Variants in MNAT1 observed in about 807,000 individuals in gnomAD.
MNAT1 encodes MNAT1 component of CDK activating kinase.
A neutral mutation model predicts 42.0 loss-of-function variants in MNAT1; 43 were observed. The observed-to-expected ratio is 1.02, with a 90% CI of 0.80 to 1.32. MNAT1 has a LOEUF of 1.32. Ranked by LOEUF, MNAT1 falls within the 40% of genes most tolerant of loss-of-function variation. The probability of loss-of-function intolerance (pLI) is 0.00; values close to 1 mark genes in which losing one functional copy is unlikely to be tolerated. For synonymous variants in MNAT1, 118 were observed against 120.0 expected, an observed-to-expected ratio of 0.98 and a Z score of 0.11; for missense variants, 306 against 350.4, an observed-to-expected ratio of 0.87 and a Z score of 1.01.
At chr14:60,739,582 T>C (rs1470968710) in intron 1 of MNAT1, among the ~76,000 whole-genome samples, 2 of 152,190 alleles carry the variant, frequency 1.3e-5, no homozygotes, top group African/African-American at 4.8e-5. Context: ...CTTTGTCTCT[T>C]AGCTGCTAGC....
intron 7 of MNAT1, among the ~76,000 whole-genome samples, chr14:60,894,833 A>C (rs1566541119): frequency 6.6e-6 from 1 of 152,186 alleles, no homozygotes; most frequent in Non-Finnish European, 1.5e-5. Context: ...ACAACAGTTA[A>C]AAAGGCAAAT....
rs137902526 is a variant in MNAT1 at position 60,859,452 on chromosome 14, C to A, written c.688-20262C>A. Among the ~76,000 whole-genome samples the A allele has an allele frequency of 1.5e-3, 226 of 152,210 alleles. 1 individual carries two copies. The highest frequency in any genetic ancestry group is 5.3e-3 in the African/African-American group (222 of 41,516). On this transcript the variant is annotated intron_variant, in intron 6 of 7. Transcript: ENST00000261245. ...TTCCTCATGCTACTCTAATTTGAGT[C>A]ATTGTGAAAGATGTTAGTGACTTTT...
intron 6 of MNAT1, among the ~76,000 whole-genome samples, chr14:60,864,031 T>C (rs2034153602): frequency 1.3e-5 from 2 of 152,022 alleles, no homozygotes; most frequent in Admixed American, 6.6e-5. Flanking sequence ...GAAAATATTA[T>C]TTTTGCTTGT....
At chr14:60,755,878 A>G (rs1283977188) in intron 1 of MNAT1, among the ~76,000 whole-genome samples, 5 of 152,206 alleles carry the variant, frequency 3.3e-5, no homozygotes, top group African/African-American at 1.2e-4. Flanking sequence ...GCAGAGTGAC[A>G]TCTCTCATTT....
At chr14:60,914,775 G>C (rs757678783) in intron 7 of MNAT1, among the ~76,000 whole-genome samples, 6 of 152,184 alleles carry the variant, frequency 3.9e-5, no homozygotes, top group Non-Finnish European at 5.9e-5. Context: ...AACTTAAGTA[G>C]TGGTCAAGAT....
intron 7 of MNAT1, among the ~76,000 whole-genome samples, chr14:60,967,606 G>A (rs879907132): frequency 2.0e-5 from 3 of 152,062 alleles, no homozygotes; most frequent in Admixed American, 1.3e-4. Context: ...ATATTGTTGA[G>A]ATCAATGAGA....
At chr14:60,828,971 C>T (rs1286971191) in intron 6 of MNAT1, among the ~76,000 whole-genome samples, 2 of 152,136 alleles carry the variant, frequency 1.3e-5, no homozygotes, top group Non-Finnish European at 2.9e-5. Flanking sequence ...CCTAGCACCT[C>T]CATGTGTTCA....
At chr14:60,854,803 C>G (rs1290590589) in intron 6 of MNAT1, among the ~76,000 whole-genome samples, 1 of 152,200 alleles carries the variant, frequency 6.6e-6, no homozygotes, top group Non-Finnish European at 1.5e-5. Context: ...AGCAGGCAGT[C>G]TGTCCCTTAG....
chr14:60,784,179 A>ATTT lies in MNAT1; in HGVS notation c.90-12016_90-12014dup, dbSNP rs71114155. Among the ~76,000 whole-genome samples, 23 of 53,286 alleles carry ATTT rather than the reference A, an allele frequency of 4.3e-4. 3 individuals are homozygous for ATTT. Among genetic ancestry groups the ATTT allele is most frequent in the African/African-American group, 1.5e-3 (19 of 13,100 alleles). The allele number at this position is 53,286 out of a possible 152,430, so 35.0% of individuals were successfully genotyped here. A position where few individuals can be genotyped will look rare whatever the true frequency, so the allele number is the denominator to read the frequency against. On this transcript the variant is annotated intron_variant, in intron 1 of 7. Coordinates refer to ENST00000261245, the MANE Select transcript of MNAT1 (RefSeq NM_002431.4). The stretch of plus-strand genomic sequence containing the variant: ...AGATACGTGCCACCATGCCTGGCTA[A>ATTT]TTTTTTTTTTTTTTTTTTTTTTTTA...
At chr14:60,735,108 C>A (rs1275240382) in intron 1 of MNAT1, among the ~76,000 whole-genome samples, 157 bp downstream of exon 1, 3 of 152,122 alleles carry the variant, frequency 2.0e-5, no homozygotes, top group Admixed American at 2.0e-4. Flanking sequence ...TTTAAATAGA[C>A]TGTAGCCGCT....
At chr14:60,903,621 T>A (rs2139510158) in intron 7 of MNAT1, among the ~76,000 whole-genome samples, 1 of 152,340 alleles carries the variant, frequency 6.6e-6, no homozygotes, top group East Asian at 1.9e-4. Context: ...ATTTGTATAA[T>A]CTGCTTTCAC....
chr14:60,757,069 A>G (rs190102050), intron 1 of MNAT1, among the ~76,000 whole-genome samples: 2 of 152,282 alleles, frequency 1.3e-5, no homozygotes, highest in Non-Finnish European at 2.9e-5. Flanking sequence ...AGGCTATTTG[A>G]CTTGTTAGTT....
rs574070542 is a variant in MNAT1 at position 60,894,288 on chromosome 14, T to A, written c.809+14453T>A. On this transcript the variant is annotated intron_variant, in intron 7 of 7. Transcript: ENST00000261245. ...GTGGAGGCTTGGATGTTTTTTTTTT[T>A]TAAAATAATTTATTTCCTCTTGCAT... is the stretch of plus-strand genomic sequence containing the variant. Among the ~76,000 whole-genome samples the A allele has an allele frequency of 5.3e-5, 8 of 152,030 alleles. No individual in the cohort carries two copies. In the East Asian group the frequency reaches 1.2e-3, roughly 22 times the overall value.
At chr14:60,789,525 A>G (rs2031752925) in intron 1 of MNAT1, among the ~76,000 whole-genome samples, 1 of 152,198 alleles carries the variant, frequency 6.6e-6, no homozygotes, top group South Asian at 2.1e-4. Context: ...CAATAAGGCA[A>G]TTCGCAATAA....
chr14:60,886,844 A>G (rs1000945321), intron 7 of MNAT1, among the ~76,000 whole-genome samples: 18 of 152,092 alleles, frequency 1.2e-4, no homozygotes, highest in Admixed American at 7.9e-4. Flanking sequence ...TTGATTTCCT[A>G]TTTGGATGTA....
chr14:60,896,975 A>G (rs2034971795), intron 7 of MNAT1, among the ~76,000 whole-genome samples: 1 of 152,214 alleles, frequency 6.6e-6, no homozygotes, highest in South Asian at 2.1e-4. Flanking sequence ...CTACTCTTAA[A>G]ATTCCCAAGA....
At chr14:60,743,412 T>C (rs1363340702) in intron 1 of MNAT1, among the ~76,000 whole-genome samples, 3 of 151,946 alleles carry the variant, frequency 2.0e-5, no homozygotes, top group Non-Finnish European at 4.4e-5. Context: ...CCTCAGCCTC[T>C]TGAGTAACTG....
chr14:60,815,529 T>C (rs190258693), intron 5 of MNAT1, among the ~76,000 whole-genome samples: 1 of 152,194 alleles, frequency 6.6e-6, no homozygotes, highest in African/African-American at 2.4e-5. Flanking sequence ...ATTCTTTTAG[T>C]CTTTAAAGTA....
intron 7 of MNAT1, chr14:60,919,821 A>C (rs1375360445): frequency 6.4e-6 from 1 of 157,180 alleles, no homozygotes; most frequent in African/African-American, 2.4e-5. Context: ...GAGGGGTACT[A>C]CCTCACCTTG....
Sources: gnomAD v4.1 joint callset for allele counts (sites outside exome capture counted in the v4.1 genomes callset) on GRCh38, gnomAD v4.1.1 for gene constraint, MANE v1.5 for transcripts, NCBI Gene and HGNC (gene_info 2026-07-23, HGNC 2026-07-21) for gene names.